The following FAM151B variants were observed in gnomAD, a reference collection of about 807,000 sequenced individuals.
The protein encoded by FAM151B is protein FAM151B.
A neutral mutation model predicts 31.2 loss-of-function variants in FAM151B; 24 were observed. That is an observed-to-expected ratio of 0.77 (90% CI 0.56 to 1.08). The LOEUF is 1.08. Ranked by LOEUF, FAM151B falls within the 50% of genes least tolerant of loss-of-function variation. The pLI is 0.00. For missense variants in FAM151B, 293 were observed against 328.6 expected (o/e 0.89, Z 0.84); for synonymous variants, 105 against 111.4 (o/e 0.94, Z 0.36).
chr5:80,514,432 G>A lies in FAM151B; in HGVS notation c.317+663G>A, dbSNP rs186324498. On this transcript the variant is annotated intron_variant, in intron 3 of 5. Coordinates refer to ENST00000282226, the MANE Select transcript of FAM151B (RefSeq NM_205548.3). ...GGAGGTTGCAGTGAGCCGAGATCAC[G>A]CCATTGAATTCCAGCCTGGGCTACA... Among the ~76,000 whole-genome samples, 1,038 of 150,940 alleles carry A rather than the reference G, an allele frequency of 6.9e-3. 9 individuals are homozygous for A. The highest frequency in any genetic ancestry group is 0.024 in the African/African-American group (998 of 41,192).
At chr5:80,538,438 T>TTCTCTC (rs1267501086) in intron 5 of FAM151B, among the ~76,000 whole-genome samples, 3 of 55,700 alleles carry the variant, frequency 5.4e-5, no homozygotes, top group African/African-American at 3.0e-4. Flanking sequence ...CTTTCTTTCT[T>TTCTCTC]TCTTTCTTTC....
intron 5 of FAM151B, among the ~76,000 whole-genome samples, chr5:80,538,448 C>T (rs143528733): frequency 4.8e-3 from 234 of 49,196 alleles, no homozygotes; most frequent in Middle Eastern, 0.01. Context: ...TTCTTTCTTT[C>T]TCTTTCTTTC....
intron 5 of FAM151B, among the ~76,000 whole-genome samples, chr5:80,533,491 G>A (rs1406436122): frequency 6.6e-5 from 10 of 151,106 alleles, no homozygotes; most frequent in Admixed American, 1.3e-4. Flanking sequence ...AGTGTCTCAC[G>A]CCTGTAATCC....
chr5:80,492,408 A>G (rs1272854982), intron 1 of FAM151B, among the ~76,000 whole-genome samples: 3 of 152,134 alleles, frequency 2.0e-5, no homozygotes, highest in Non-Finnish European at 4.4e-5. Flanking sequence ...TAATCTGTAA[A>G]TGTGGTGTGT....
intron 2 of FAM151B, among the ~76,000 whole-genome samples, chr5:80,505,587 G>A (rs1382109576): frequency 6.6e-6 from 1 of 151,098 alleles, no homozygotes; most frequent in Non-Finnish European, 1.5e-5. Context: ...GTAGAGACGG[G>A]GTTTCACTGT....
chr5:80,489,312 G>C (rs1484313906), intron 1 of FAM151B, among the ~76,000 whole-genome samples: 2 of 152,102 alleles, frequency 1.3e-5, no homozygotes, highest in African/African-American at 4.8e-5. Flanking sequence ...TGAAATTACT[G>C]GATCAAAGGA....
chr5:80,533,749 CAAAAAAA>C (rs71601590), intron 5 of FAM151B, among the ~76,000 whole-genome samples: 1 of 67,548 alleles, frequency 1.5e-5, no homozygotes, highest in Non-Finnish European at 2.7e-5. Context: ...GACTCCATCT[CAAAAAAA>C]AAAAAAAAAA....
chr5:80,521,701 A>C (rs999745708), intron 4 of FAM151B, among the ~76,000 whole-genome samples: 3 of 152,202 alleles, frequency 2.0e-5, no homozygotes, highest in Non-Finnish European at 2.9e-5. Context: ...TAAAGTAAAT[A>C]AAATCTAGTG....
intron 5 of FAM151B, among the ~76,000 whole-genome samples, chr5:80,538,627 T>A (rs1453965560): frequency 3.4e-5 from 5 of 149,036 alleles, no homozygotes; most frequent in Middle Eastern, 3.4e-3. Context: ...GATGGAGTCT[T>A]GCTCTGTTGC....
intron 1 of FAM151B, among the ~76,000 whole-genome samples, chr5:80,498,351 C>T (rs143530092): frequency 1.3e-5 from 2 of 152,084 alleles, no homozygotes; most frequent in East Asian, 1.9e-4. Flanking sequence ...TGCAGCCCAG[C>T]GTTAGAAGTG....
rs139737510 is a variant in FAM151B, at chr5:80,540,835, G to T, written c.672-838G>T. ...TCTGTTGTATTTCCAGAATGGTGTCGCCATCCTTAAGGGCAGGAATGTGTC... is the reference window on the plus strand; with the variant it reads ...TCTGTTGTATTTCCAGAATGGTGTCTCCATCCTTAAGGGCAGGAATGTGTC... On this transcript the variant is annotated intron_variant, in intron 5 of 5. Coordinates refer to ENST00000282226, the MANE Select transcript of FAM151B (RefSeq NM_205548.3). Among the ~76,000 whole-genome samples the T allele has an allele frequency of 5.2e-3, 794 of 152,202 alleles. 5 individuals carry two copies. Among genetic ancestry groups the T allele is most frequent in the African/African-American group, 0.018 (747 of 41,520 alleles).
intron 1 of FAM151B, among the ~76,000 whole-genome samples, chr5:80,496,014 TG>T (rs1743525832): frequency 6.6e-6 from 1 of 152,224 alleles, no homozygotes; most frequent in African/African-American, 2.4e-5. Flanking sequence ...GTGAAGATGC[TG>T]TGAACATTGT....
chr5:80,490,971 G>T (rs911655177), intron 1 of FAM151B, among the ~76,000 whole-genome samples: 2 of 152,158 alleles, frequency 1.3e-5, no homozygotes, highest in Non-Finnish European at 2.9e-5. Context: ...CTTAATGATT[G>T]TCTAGTCCAG....
At chr5:80,533,167 G>A (rs979886095) in intron 5 of FAM151B, among the ~76,000 whole-genome samples, 1 of 151,048 alleles carries the variant, frequency 6.6e-6, no homozygotes, top group Non-Finnish European at 1.5e-5. Context: ...CACGAGGTCA[G>A]GAGATCAAGA....
At chr5:80,511,176 A>G (rs1744168038) in intron 2 of FAM151B, 1 of 152,164 alleles carries the variant, frequency 6.6e-6, no homozygotes, top group South Asian at 2.1e-4. Flanking sequence ...CTCATGCCCT[A>G]AAAGAAAAAA....
At chr5:80,504,354 AG>A (rs1743865780) in intron 2 of FAM151B, among the ~76,000 whole-genome samples, 2 of 152,004 alleles carry the variant, frequency 1.3e-5, no homozygotes, top group African/African-American at 4.8e-5. Flanking sequence ...AGAAGCCACC[AG>A]GATTTCTTGC....
intron 1 of FAM151B, among the ~76,000 whole-genome samples, chr5:80,492,441 G>T (rs1339331136): frequency 6.6e-6 from 1 of 152,166 alleles, no homozygotes; most frequent in Non-Finnish European, 1.5e-5. Context: ...CTTGGGCAGT[G>T]CATGCTGGCC....
chr5:80,538,372 TTTTCTTTCTTTC>T lies in FAM151B; in HGVS notation c.672-3235_672-3224del, dbSNP rs1315996184. 1.6e-3 allele frequency among the ~76,000 whole-genome samples: 181 copies of T among 111,626 alleles called. 1 individual carries two copies. The highest frequency in any genetic ancestry group is 5.1e-3 in the Middle Eastern group (1 of 196). 73.2% of individuals were successfully genotyped at this position (111,626 alleles called of 152,430 possible). A position where few individuals can be genotyped will look rare whatever the true frequency, so the allele number is the denominator to read the frequency against. On this transcript the variant is annotated intron_variant, in intron 5 of 5. Coordinates refer to ENST00000282226, the MANE Select transcript of FAM151B (RefSeq NM_205548.3). ...ATGAGCCACCGCACCCAGCCTTTCT[TTTTCTTTCTTTC>T]TTTCTTTCTTTCTTTCTTTCTTTCT...
In FAM151B at chr5:80,541,821, G is replaced by A; in HGVS notation, c.820G>A (p.Val274Ile). The A allele has an allele frequency of 6.2e-7, 1 of 1,611,860 alleles. No homozygotes were observed. Among genetic ancestry groups the A allele is most frequent in the Non-Finnish European group, 8.5e-7 (1 of 1,179,284 alleles). Reference protein sequence around the residue: ...HEFKQAIGIKVNL With the variant: ...HEFKQAIGIKINL ...ATTTAAACAAGCCATTGGAATCAAAGTTAATCTCTAAGAAGAAGATTCTCA... is the reference window on the plus strand; with the variant it reads ...ATTTAAACAAGCCATTGGAATCAAAATTAATCTCTAAGAAGAAGATTCTCA... Residue 274 changes from valine (V) to isoleucine (I), a missense_variant, in exon 6 of 6, where the codon GTT (valine) becomes ATT (isoleucine). By Grantham distance (29) the Val-to-Ile change is conservative. Coordinates refer to ENST00000282226, the MANE Select transcript of FAM151B (RefSeq NM_205548.3).
Sources: allele counts gnomAD v4.1 joint callset (sites outside exome capture counted in the v4.1 genomes callset), GRCh38; gene constraint gnomAD v4.1.1; transcripts MANE v1.5; gene names NCBI Gene and HGNC (gene_info 2026-07-23, HGNC 2026-07-21).